Variants in SNTB1 observed in about 807,000 individuals in gnomAD.
SNTB1 encodes beta-1-syntrophin.
A neutral mutation model predicts 48.9 loss-of-function variants in SNTB1; 36 were observed. That is an observed-to-expected ratio of 0.74 (90% CI 0.56 to 0.97). SNTB1 has a LOEUF of 0.97. SNTB1 is among the 50% of genes least tolerant of loss of function. The pLI is 0.00. For synonymous variants in SNTB1, 299 were observed against 294.6 expected (o/e 1.01, Z -0.15); for missense variants, 786 against 703.4 (o/e 1.12, Z -1.33).
At chr8:120,571,164 C>T (rs72680556) in intron 4 of SNTB1, 228,129 of 1,201,266 alleles carry the variant, frequency 0.19, 22,854 homozygotes, top group African/African-American at 0.27. Flanking sequence ...AGGCTATGTA[C>T]GAGGGTAAAT....
intron 1 of SNTB1, among the ~76,000 whole-genome samples, chr8:120,763,047 T>C (rs1301363822): frequency 6.6e-6 from 1 of 152,228 alleles, no homozygotes; most frequent in Non-Finnish European, 1.5e-5. Context: ...CTAGCCTTTC[T>C]GACTCACAAG....
chr8:120,648,846 C>T (rs978286253), intron 2 of SNTB1, among the ~76,000 whole-genome samples: 8 of 152,196 alleles, frequency 5.3e-5, no homozygotes, highest in African/African-American at 1.9e-4. Context: ...TCCCATATTT[C>T]TTGGAGGCTT....
chr8:120,639,003 A>G (rs1817136383), intron 2 of SNTB1, among the ~76,000 whole-genome samples: 1 of 152,234 alleles, frequency 6.6e-6, no homozygotes. Flanking sequence ...TTACAGTCCT[A>G]CCAACAGTAT....
chr8:120,702,064 C>T (rs1354415519), intron 1 of SNTB1, among the ~76,000 whole-genome samples: 3 of 152,206 alleles, frequency 2.0e-5, no homozygotes, highest in African/African-American at 7.2e-5. Context: ...CCAGAGCACA[C>T]TGATTGGTTT....
chr8:120,659,799 T>C (rs1817561121), intron 2 of SNTB1, among the ~76,000 whole-genome samples: 1 of 152,186 alleles, frequency 6.6e-6, no homozygotes, highest in Non-Finnish European at 1.5e-5. Flanking sequence ...ACATCTTAAA[T>C]AATGAGACAT....
chr8:120,796,694 G>T (rs1587169955), intron 1 of SNTB1, among the ~76,000 whole-genome samples: 2 of 152,106 alleles, frequency 1.3e-5, no homozygotes, highest in South Asian at 4.1e-4. Context: ...ATAGGCAGGG[G>T]CAGACAGGAA....
chr8:120,665,932 C>A (rs940180924), intron 2 of SNTB1, among the ~76,000 whole-genome samples: 1 of 152,136 alleles, frequency 6.6e-6, no homozygotes, highest in Non-Finnish European at 1.5e-5. Flanking sequence ...ATTCGTCTAT[C>A]TTATTGTCAA....
intron 1 of SNTB1, among the ~76,000 whole-genome samples, chr8:120,736,660 T>A (rs1456323482): frequency 6.6e-6 from 1 of 152,196 alleles, no homozygotes; most frequent in African/African-American, 2.4e-5. Context: ...GACCTCTCCC[T>A]CACCCTGGGC....
intron 3 of SNTB1, among the ~76,000 whole-genome samples, chr8:120,596,609 T>A (rs989201970): frequency 3.9e-5 from 6 of 152,178 alleles, no homozygotes; most frequent in Non-Finnish European, 2.9e-5. Flanking sequence ...TTCTTTTTGG[T>A]TATAATACCA....
intron 1 of SNTB1, among the ~76,000 whole-genome samples, chr8:120,735,483 TA>T (rs1818927709): frequency 6.6e-6 from 1 of 152,142 alleles, no homozygotes; most frequent in Admixed American, 6.5e-5. Context: ...AAGAGGTGAT[TA>T]AGTTAAAACG....
chr8:120,707,932 T>A (rs1277496287), intron 1 of SNTB1, among the ~76,000 whole-genome samples: 1 of 152,028 alleles, frequency 6.6e-6, no homozygotes, highest in Non-Finnish European at 1.5e-5. Flanking sequence ...TCTGTGACAA[T>A]TACATCAGAA....
At chr8:120,589,102 T>G (rs894779862) in intron 3 of SNTB1, among the ~76,000 whole-genome samples, 3 of 152,130 alleles carry the variant, frequency 2.0e-5, no homozygotes, top group African/African-American at 7.2e-5. Context: ...ATCCAGGAAT[T>G]GAGACTACAC....
intron 1 of SNTB1, among the ~76,000 whole-genome samples, chr8:120,767,220 T>C (rs1563595409): frequency 6.6e-6 from 1 of 152,196 alleles, no homozygotes; most frequent in Non-Finnish European, 1.5e-5. Flanking sequence ...TTTGTTTCCA[T>C]AGTTACAGCA....
chr8:120,575,042 A>C, intron 4 of SNTB1, 44 bp downstream of exon 4: 2 of 1,613,370 alleles, frequency 1.2e-6, no homozygotes, highest in Non-Finnish European at 1.7e-6. Context: ...ATTAAATAGA[A>C]TCCACCTGCA....
rs539411238 is a variant in SNTB1 at position 120,543,692 on chromosome 8, C to T, written c.1334-1692G>A. Among the ~76,000 whole-genome samples, 33 of 152,192 alleles carry T rather than the reference C, an allele frequency of 2.2e-4. 1 individual carries two copies. The East Asian group carries it at 2.3e-3, about 11-fold the overall frequency. On this transcript the variant is annotated intron_variant, in intron 5 of 6. Transcript: ENST00000517992. ...TAGGCGGGGAGGCCTCCAAAGTTTC[C>T]GGGAAGAAATAGAGATTTCTATTGT...
At position 120,608,804 on chromosome 8, in the gene SNTB1, A is replaced by G. The variant is rs149298274; in HGVS notation, c.996+23640T>C. Among the ~76,000 whole-genome samples, 1,419 of 152,342 alleles carry G rather than the reference A, an allele frequency of 9.3e-3. 29 individuals carry two copies. The highest frequency in any genetic ancestry group is 0.033 in the African/African-American group (1,367 of 41,594). ...TCTGAAAAAGAAAATTACTAAAAGG[A>G]GTACTTTATGAAGAAGGAAACTGAA... On this transcript the variant is annotated intron_variant, in intron 3 of 6. Coordinates refer to ENST00000517992, the MANE Select transcript of SNTB1 (RefSeq NM_021021.4).
intron 1 of SNTB1, among the ~76,000 whole-genome samples, chr8:120,797,264 C>T (rs115338744): frequency 0.01 from 1,543 of 152,040 alleles, 28 homozygotes; most frequent in African/African-American, 0.035. Flanking sequence ...AAATACTGAT[C>T]CTGTGACGTT....
chr8:120,784,703 T>C lies in SNTB1; in HGVS notation c.571+26570A>G, dbSNP rs917353182. Among the ~76,000 whole-genome samples, 5 of 152,240 alleles carry C rather than the reference T, an allele frequency of 3.3e-5. 1 individual carries two copies. The highest frequency in any genetic ancestry group is 1.2e-4 in the African/African-American group (5 of 41,456). On this transcript the variant is annotated intron_variant, in intron 1 of 6. Coordinates refer to ENST00000517992, the MANE Select transcript of SNTB1 (RefSeq NM_021021.4). ...TTTCCAAGATGGTGGATTGGAGGCA[T>C]TGTAAGCATGCCTCTTCCACTTGAA...
chr8:120,551,180 G>A (rs1397705971), intron 4 of SNTB1, among the ~76,000 whole-genome samples: 1 of 151,356 alleles, frequency 6.6e-6, no homozygotes, highest in Non-Finnish European at 1.5e-5. Flanking sequence ...GCTTGAACCT[G>A]GGAGGCGGAG....
Sources: allele counts gnomAD v4.1 joint callset (sites outside exome capture counted in the v4.1 genomes callset), GRCh38; gene constraint gnomAD v4.1.1; transcripts MANE v1.5; gene names NCBI Gene and HGNC (gene_info 2026-07-23, HGNC 2026-07-21).